GABRG3: variants seen among roughly 807,000 people sequenced by gnomAD.
GABRG3 encodes gamma-aminobutyric acid receptor subunit gamma-3.
Under a neutral mutation model 48.8 loss-of-function variants are expected in GABRG3, and 25 were observed. The ratio of observed to expected loss-of-function variants is 0.51; its 90% CI spans 0.37 to 0.72. The LOEUF (loss-of-function observed/expected upper bound fraction) is 0.72. Ranked by LOEUF, GABRG3 falls within the 30% of genes least tolerant of loss-of-function variation. GABRG3 has a pLI of 0.00. For synonymous variants in GABRG3, 227 were observed against 217.6 expected (o/e 1.04, Z -0.38); for missense variants, 394 against 577.9 (o/e 0.68, Z 3.26).
intron 5 of GABRG3, among the ~76,000 whole-genome samples, chr15:27,332,896 T>G (rs1268748375): frequency 6.6e-6 from 1 of 152,220 alleles, no homozygotes; most frequent in Non-Finnish European, 1.5e-5. Flanking sequence ...AGTTGAGATT[T>G]TTGAAATAAT....
intron 5 of GABRG3, among the ~76,000 whole-genome samples, chr15:27,470,614 G>A (rs1372628471): frequency 6.7e-6 from 1 of 150,290 alleles, no homozygotes; most frequent in African/African-American, 2.5e-5. Flanking sequence ...TCATCCTATT[G>A]GATTTTTGGT....
chr15:27,350,963 G>C (rs1451672430), intron 5 of GABRG3, among the ~76,000 whole-genome samples: 1 of 151,206 alleles, frequency 6.6e-6, no homozygotes, highest in East Asian at 1.9e-4. Flanking sequence ...TGTGCATATG[G>C]TGTGTGTTTG....
chr15:27,053,300 CAAAT>C (rs559855437), intron 3 of GABRG3, among the ~76,000 whole-genome samples: 89 of 152,242 alleles, frequency 5.8e-4, no homozygotes, highest in African/African-American at 1.9e-3. Context: ...CAAACAAAAA[CAAAT>C]AACCCCACTA....
At chr15:27,143,671 C>T (rs1898147147) in intron 3 of GABRG3, among the ~76,000 whole-genome samples, 1 of 152,174 alleles carries the variant, frequency 6.6e-6, no homozygotes, top group African/African-American at 2.4e-5. Flanking sequence ...AAGTGACTAA[C>T]ATTCTGCTAA....
chr15:26,999,624 T>C lies in GABRG3; in HGVS notation c.202+22474T>C, dbSNP rs569348690. Among the ~76,000 whole-genome samples, 340 of 152,274 alleles carry C rather than the reference T, an allele frequency of 2.2e-3. 2 individuals carry two copies. The highest frequency in any genetic ancestry group is 3.4e-3 in the Middle Eastern group (1 of 294). Reference sequence around the variant, plus strand: ...TAAGTATGAAAAATACTTAGGGATCTTGAGCTACTTAGATTTTTGGCTTCG... The same window carrying C: ...TAAGTATGAAAAATACTTAGGGATCCTGAGCTACTTAGATTTTTGGCTTCG... On this transcript the variant is annotated intron_variant, in intron 2 of 9. Transcript: ENST00000615808.
chr15:27,100,195 G>C (rs527477111), intron 3 of GABRG3, among the ~76,000 whole-genome samples: 1 of 146,100 alleles, frequency 6.8e-6, no homozygotes, highest in Non-Finnish European at 1.5e-5. Context: ...TCCAGCCTGG[G>C]TGACAGAGCA....
At chr15:27,052,893 G>T (rs1307387873) in intron 3 of GABRG3, among the ~76,000 whole-genome samples, 1 of 152,124 alleles carries the variant, frequency 6.6e-6, no homozygotes, top group Non-Finnish European at 1.5e-5. Context: ...TGATAAAATT[G>T]ATAAAAATAA....
intron 5 of GABRG3, among the ~76,000 whole-genome samples, chr15:27,415,180 C>T (rs1031804625): frequency 2.0e-5 from 3 of 151,918 alleles, no homozygotes; most frequent in African/African-American, 7.3e-5. Context: ...ATGTGTTTCC[C>T]CTTTTATAGT....
At chr15:27,279,171 A>G (rs1891352198) in intron 3 of GABRG3, among the ~76,000 whole-genome samples, 1 of 152,144 alleles carries the variant, frequency 6.6e-6, no homozygotes, top group South Asian at 2.1e-4. Context: ...TATATATTCT[A>G]GATATGTGGT....
intron 3 of GABRG3, among the ~76,000 whole-genome samples, chr15:27,088,602 GC>G (rs1897128733): frequency 6.6e-6 from 1 of 152,174 alleles, no homozygotes; most frequent in Non-Finnish European, 1.5e-5. Context: ...TGACTGGGAG[GC>G]CTCGGAAACT....
At chr15:27,188,075 G>A (rs1888159039) in intron 3 of GABRG3, among the ~76,000 whole-genome samples, 1 of 151,992 alleles carries the variant, frequency 6.6e-6, no homozygotes, top group Non-Finnish European at 1.5e-5. Context: ...TTTTATGGCT[G>A]CATAGTATTC....
chr15:26,988,890 G>A (rs563228245), intron 2 of GABRG3, among the ~76,000 whole-genome samples: 2 of 152,038 alleles, frequency 1.3e-5, no homozygotes, highest in East Asian at 3.9e-4. Flanking sequence ...TTTTTATTTT[G>A]CCTGTGTGAA....
chr15:27,454,396 A>C (rs1218243211), intron 5 of GABRG3, among the ~76,000 whole-genome samples: 2 of 152,176 alleles, frequency 1.3e-5, no homozygotes. Flanking sequence ...GTAGAGGTCT[A>C]CATGCAGGAA....
At chr15:27,332,135 A>G (rs895150715) in intron 5 of GABRG3, among the ~76,000 whole-genome samples, 1 of 152,236 alleles carries the variant, frequency 6.6e-6, no homozygotes, top group Non-Finnish European at 1.5e-5. Flanking sequence ...GGATACTTGC[A>G]TCTAAATCAG....
At chr15:27,305,007 T>C (rs1279511115) in intron 3 of GABRG3, among the ~76,000 whole-genome samples, 2 of 151,996 alleles carry the variant, frequency 1.3e-5, no homozygotes, top group African/African-American at 4.8e-5. Context: ...CTAATTTATC[T>C]ATTTCTTCCT....
intron 5 of GABRG3, among the ~76,000 whole-genome samples, chr15:27,339,247 A>G (rs1894083064): frequency 6.6e-6 from 1 of 152,250 alleles, no homozygotes; most frequent in Non-Finnish European, 1.5e-5. Flanking sequence ...GGAGCCTACC[A>G]GACATGTAGA....
At chr15:27,125,886 A>T (rs1168841342) in intron 3 of GABRG3, among the ~76,000 whole-genome samples, 1 of 152,260 alleles carries the variant, frequency 6.6e-6, no homozygotes, top group Non-Finnish European at 1.5e-5. Flanking sequence ...ATGAAACACC[A>T]TCTTCAACTT....
At chr15:27,360,716 C>T (rs1041490815) in intron 5 of GABRG3, among the ~76,000 whole-genome samples, 6 of 152,278 alleles carry the variant, frequency 3.9e-5, no homozygotes, top group African/African-American at 1.4e-4. Flanking sequence ...GCAAGGGCAG[C>T]CCCTTTCTGC....
At chr15:27,273,460 T>G (rs530015632) in intron 3 of GABRG3, among the ~76,000 whole-genome samples, 7 of 152,174 alleles carry the variant, frequency 4.6e-5, no homozygotes, top group Non-Finnish European at 8.8e-5. Context: ...TACCAAGACA[T>G]TAACATGTTC....
Sources: allele counts gnomAD v4.1 joint callset (sites outside exome capture counted in the v4.1 genomes callset), GRCh38; gene constraint gnomAD v4.1.1; transcripts MANE v1.5; gene names NCBI Gene and HGNC (gene_info 2026-07-23, HGNC 2026-07-21).